SLX4IP: variants seen among roughly 807,000 people sequenced by gnomAD.
SLX4IP encodes the protein SLX4 interacting protein.
SLX4IP carries 34 observed loss-of-function variants against 32.9 expected under a neutral mutation model. The observed-to-expected ratio is 1.03, with a 90% CI of 0.79 to 1.38. The LOEUF (loss-of-function observed/expected upper bound fraction) is 1.38. SLX4IP is among the 40% of genes most tolerant of loss of function. The probability of loss-of-function intolerance (pLI) is 0.00; values close to 1 mark genes in which losing one functional copy is unlikely to be tolerated. For missense variants in SLX4IP, 444 were observed against 479.0 expected, an observed-to-expected ratio of 0.93 and a Z score of 0.68; for synonymous variants, 172 against 171.7, an observed-to-expected ratio of 1.00 and a Z score of -0.01.
intron 2 of SLX4IP, among the ~76,000 whole-genome samples, chr20:10,477,415 A>C (rs192901490): frequency 6.6e-6 from 1 of 152,168 alleles, no homozygotes; most frequent in Admixed American, 6.5e-5. Context: ...AAGTGCTAGG[A>C]TTACAGGCAT....
chr20:10,508,588 C>T (rs1200269196), intron 2 of SLX4IP, among the ~76,000 whole-genome samples: 2 of 152,178 alleles, frequency 1.3e-5, no homozygotes, highest in East Asian at 1.9e-4. Flanking sequence ...TCCATTCATG[C>T]TCCCGGGGGC....
intron 2 of SLX4IP, among the ~76,000 whole-genome samples, chr20:10,520,040 TTTTTCTTTTTTC>T (rs2122447431): frequency 6.6e-6 from 1 of 151,726 alleles, no homozygotes; most frequent in East Asian, 1.9e-4. Context: ...CTTGTGCCCA[TTTTTCTTTTTTC>T]TTTTCTTTTT....
intron 2 of SLX4IP, among the ~76,000 whole-genome samples, chr20:10,530,361 G>T (rs1282135885): frequency 2.0e-5 from 3 of 152,166 alleles, no homozygotes; most frequent in Non-Finnish European, 4.4e-5. Flanking sequence ...AGTGAATATA[G>T]TTCCATTGGT....
At chr20:10,509,750 G>A (rs1300335455) in intron 2 of SLX4IP, among the ~76,000 whole-genome samples, 2 of 151,196 alleles carry the variant, frequency 1.3e-5, no homozygotes, top group Non-Finnish European at 2.9e-5. Context: ...AGGCTGGAAT[G>A]CAGTGGTGCG....
At chr20:10,470,750 T>A (rs2065418411) in intron 2 of SLX4IP, among the ~76,000 whole-genome samples, 1 of 152,216 alleles carries the variant, frequency 6.6e-6, no homozygotes, top group East Asian at 1.9e-4. Flanking sequence ...AAATTCACCA[T>A]ATGTTACTGA....
intron 6 of SLX4IP, chr20:10,613,614 A>G: frequency 1.9e-6 from 3 of 1,613,608 alleles, no homozygotes; most frequent in Non-Finnish European, 2.5e-6. Flanking sequence ...CTTTCTGCTC[A>G]TTTCTGCTTC....
At chr20:10,446,327 A>T (rs11699025) in intron 1 of SLX4IP, among the ~76,000 whole-genome samples, 1 of 150,264 alleles carries the variant, frequency 6.7e-6, no homozygotes, top group Admixed American at 6.6e-5. Context: ...CAAGAGAATC[A>T]CTTGAACTCG....
intron 3 of SLX4IP, among the ~76,000 whole-genome samples, chr20:10,558,570 A>G (rs1217421567): frequency 6.6e-6 from 1 of 152,192 alleles, no homozygotes; most frequent in East Asian, 1.9e-4. Context: ...TGAAAGCCTA[A>G]GAATATCCAG....
intron 5 of SLX4IP, 129 bp from the exon 6 acceptor site, chr20:10,601,602 G>C (rs1046634387): frequency 2.2e-5 from 15 of 694,800 alleles, no homozygotes; most frequent in Non-Finnish European, 3.4e-5. Flanking sequence ...GATGGGAGGA[G>C]AGAAGAGACG....
At chr20:10,600,773 G>C (rs1490838210) in intron 5 of SLX4IP, among the ~76,000 whole-genome samples, 1 of 152,142 alleles carries the variant, frequency 6.6e-6, no homozygotes, top group Non-Finnish European at 1.5e-5. Flanking sequence ...TAAGAGGGAA[G>C]CTTTCTCTGT....
chr20:10,451,975 TAA>T (rs1344102538), intron 1 of SLX4IP, among the ~76,000 whole-genome samples: 2 of 152,014 alleles, frequency 1.3e-5, no homozygotes, highest in Admixed American at 6.6e-5. Context: ...CTCAAAAACA[TAA>T]AATAAAATAA....
chr20:10,557,268 A>T (rs371629928), intron 3 of SLX4IP, among the ~76,000 whole-genome samples: 7 of 152,180 alleles, frequency 4.6e-5, no homozygotes, highest in African/African-American at 1.2e-4. Context: ...TAGAAAAAAG[A>T]TCCCCACCCC....
At chr20:10,608,997 A>G (rs1430409929) in intron 6 of SLX4IP, among the ~76,000 whole-genome samples, 1 of 152,194 alleles carries the variant, frequency 6.6e-6, no homozygotes, top group East Asian at 1.9e-4. Flanking sequence ...TTAGCCAGCC[A>G]GTCAGTGCTG....
chr20:10,556,143 C>T (rs1287580225), intron 2 of SLX4IP, 88 bp from the exon 3 acceptor site: 5 of 1,228,544 alleles, frequency 4.1e-6, no homozygotes, highest in Non-Finnish European at 5.8e-6. Flanking sequence ...TCATCATGAG[C>T]AACCACATAG....
intron 2 of SLX4IP, among the ~76,000 whole-genome samples, chr20:10,486,172 C>T (rs190507738): frequency 1.8e-3 from 235 of 128,878 alleles, no homozygotes; most frequent in African/African-American, 6.7e-3. Flanking sequence ...TAATTATCAA[C>T]TCCTTGCTTA....
At chr20:10,599,170 G>A (rs1427443087) in intron 5 of SLX4IP, among the ~76,000 whole-genome samples, 1 of 152,110 alleles carries the variant, frequency 6.6e-6, no homozygotes, top group Non-Finnish European at 1.5e-5. Flanking sequence ...ACTTCCCCAA[G>A]TCTAGATGTC....
chr20:10,527,515 A>G (rs150141145), intron 2 of SLX4IP, among the ~76,000 whole-genome samples: 196 of 152,314 alleles, frequency 1.3e-3, no homozygotes, highest in African/African-American at 4.5e-3. Context: ...TCTTTCTGTA[A>G]AAATTTACTC....
chr20:10,436,430 C>T lies in SLX4IP; in HGVS notation c.-30+977C>T, dbSNP rs565648970. The stretch of plus-strand genomic sequence containing the variant: ...GGAGTGCAGTGGCGCGATCTTGGCT[C>T]ACTGCCATCTCCGCCCCCCGGGTTC... On this transcript the variant is annotated intron_variant, in intron 1 of 7. Coordinates refer to ENST00000334534, the MANE Select transcript of SLX4IP (RefSeq NM_001009608.3). 1.6e-4 allele frequency among the ~76,000 whole-genome samples: 25 copies of T among 152,144 alleles called. No homozygotes were observed. In the East Asian group the frequency reaches 4.8e-3, roughly 29 times the overall value.
chr20:10,474,078 A>C lies in SLX4IP; in HGVS notation c.27+15847A>C, dbSNP rs6133944. On this transcript the variant is annotated intron_variant, in intron 2 of 7. Coordinates refer to ENST00000334534, the MANE Select transcript of SLX4IP (RefSeq NM_001009608.3). ...CCTCAGATGACCCACCTGCCTCAGC[A>C]TTCCAAAGTGCTGGGATTACAGGCG... Among the ~76,000 whole-genome samples the C allele has an allele frequency of 9.9e-5, 15 of 152,176 alleles. No homozygotes were observed. In the East Asian group the frequency reaches 2.3e-3, roughly 24 times the overall value.
Sources: allele counts gnomAD v4.1 joint callset (sites outside exome capture counted in the v4.1 genomes callset), GRCh38; gene constraint gnomAD v4.1.1; transcripts MANE v1.5; gene names NCBI Gene and HGNC (gene_info 2026-07-23, HGNC 2026-07-21).